Variants in TRPC4AP observed in about 807,000 individuals in gnomAD.
The protein encoded by TRPC4AP is transient receptor potential cation channel subfamily C member 4 associated protein, also known as short transient receptor potential channel 4-associated protein.
TRPC4AP carries 45 observed loss-of-function variants against 99.0 expected under a neutral mutation model. The ratio of observed to expected loss-of-function variants is 0.45; its 90% CI spans 0.36 to 0.58. The LOEUF (loss-of-function observed/expected upper bound fraction) is 0.58. Ranked by LOEUF, TRPC4AP falls within the 20% of genes least tolerant of loss-of-function variation. The probability of loss-of-function intolerance (pLI) is 0.00; values close to 1 mark genes in which losing one functional copy is unlikely to be tolerated. For missense variants in TRPC4AP, 879 were observed against 985.3 expected, an observed-to-expected ratio of 0.89 and a Z score of 1.44; for synonymous variants, 408 against 385.8, an observed-to-expected ratio of 1.06 and a Z score of -0.67.
rs748420522 is a variant in TRPC4AP, at chr20:35,003,658, C to T, written c.2050-42G>A. 3 of 1,581,140 alleles carry T rather than the reference C, an allele frequency of 1.9e-6. No homozygotes were observed. The African/African-American group carries it at 4.0e-5, about 21-fold the overall frequency. ...CCACAGGGTCAGGGGCTGGTGGGAG[C>T]CCCAGTGGCCCCTGGTGAACCTGGG... On this transcript the variant is annotated intron_variant, in intron 17 of 18. Transcript: ENST00000252015.
At chr20:35,084,634 GTATATGTATGTATGTTTATATGCATATA>G (rs2084770172) in intron 1 of TRPC4AP, among the ~76,000 whole-genome samples, 2 of 110,754 alleles carry the variant, frequency 1.8e-5, no homozygotes, top group African/African-American at 7.0e-5. Flanking sequence ...GCATATATGT[GTATATGTATGTATGTTTATATGCATATA>G]TGTGTATATG....
intron 9 of TRPC4AP, among the ~76,000 whole-genome samples, chr20:35,019,887 G>A (rs2082847099): frequency 6.6e-6 from 1 of 152,016 alleles, no homozygotes; most frequent in African/African-American, 2.4e-5. Flanking sequence ...CCAGGTGTAG[G>A]TAATCAATCC....
At chr20:35,004,077 A>G (rs2082459160) in intron 17 of TRPC4AP, among the ~76,000 whole-genome samples, 2 of 152,202 alleles carry the variant, frequency 1.3e-5, no homozygotes, top group Non-Finnish European at 2.9e-5. Flanking sequence ...AGAGGTGCTA[A>G]GATCACCCTC....
At position 35,069,286 on chromosome 20, in the gene TRPC4AP, A is replaced by T. The variant is rs1475370187; in HGVS notation, c.414+10T>A. The T allele has an allele frequency of 6.8e-7, 1 of 1,464,910 alleles. No homozygotes were observed. The highest frequency in any genetic ancestry group is 1.2e-5 in the South Asian group (1 of 85,736). 90.7% of individuals were successfully genotyped at this position (1,464,910 alleles called of 1,614,324 possible). On this transcript the variant is annotated intron_variant, in intron 3 of 18. Coordinates refer to ENST00000252015, the MANE Select transcript of TRPC4AP (RefSeq NM_015638.3). ...AGTAACAGCAGTAGTAATAATAAAT[A>T]GCTACTTACATCAACACCTCCAAAC...
intron 1 of TRPC4AP, among the ~76,000 whole-genome samples, chr20:35,082,966 C>T (rs1220298457): frequency 6.6e-6 from 1 of 152,080 alleles, no homozygotes; most frequent in Non-Finnish European, 1.5e-5. Flanking sequence ...CCTCTTAGAT[C>T]AGGAACATGC....
chr20:35,031,180 G>T (rs931877494), intron 8 of TRPC4AP, among the ~76,000 whole-genome samples: 1 of 151,712 alleles, frequency 6.6e-6, no homozygotes, highest in Admixed American at 6.6e-5. Flanking sequence ...AATATCCTTG[G>T]GCATGATGAG....
At chr20:35,035,647 A>G (rs751833416) in intron 7 of TRPC4AP, among the ~76,000 whole-genome samples, 14 of 152,340 alleles carry the variant, frequency 9.2e-5, no homozygotes, top group Non-Finnish European at 2.1e-4. Context: ...GAATATCTGT[A>G]TAAGGAGGTT....
intron 1 of TRPC4AP, among the ~76,000 whole-genome samples, chr20:35,084,542 A>G (rs969767693): frequency 6.8e-6 from 1 of 147,674 alleles, no homozygotes; most frequent in Non-Finnish European, 1.5e-5. Context: ...ATATATGTAT[A>G]TGTATATATG....
intron 10 of TRPC4AP, 32 bp downstream of exon 10, chr20:35,015,976 G>A (rs779897505): frequency 2.5e-6 from 4 of 1,613,594 alleles, no homozygotes; most frequent in Non-Finnish European, 3.4e-6. Context: ...AGCCAGTGAG[G>A]CCCCATCTGT....
rs1239393439 is a variant in TRPC4AP, at chr20:35,066,769, A to G, written c.414+2527T>C. On this transcript the variant is annotated intron_variant, in intron 3 of 18. Transcript: ENST00000252015. ...ACAATCTAAAAATTAAACATTTCTA[A>G]TTTTAAAATAACATCAAAATTTAAT... 2.0e-5 allele frequency among the ~76,000 whole-genome samples: 3 copies of G among 152,216 alleles called. No individual in the cohort carries two copies. The South Asian group carries it at 6.2e-4, about 31-fold the overall frequency.
At chr20:35,070,160 C>T (rs1039687310) in intron 2 of TRPC4AP, among the ~76,000 whole-genome samples, 1 of 152,180 alleles carries the variant, frequency 6.6e-6, no homozygotes, top group African/African-American at 2.4e-5. Context: ...CCCTACCCAA[C>T]AGCACATGAA....
At chr20:35,031,266 C>T (rs550204478) in intron 8 of TRPC4AP, among the ~76,000 whole-genome samples, 8 of 151,216 alleles carry the variant, frequency 5.3e-5, no homozygotes, top group Non-Finnish European at 1.2e-4. Context: ...GGCAGGGTCT[C>T]GCTCTGTCAC....
In TRPC4AP at chr20:35,049,814, C is replaced by T. The variant is rs878905601; in HGVS notation, c.657+52G>A. 8 of 1,554,924 alleles carry T rather than the reference C, an allele frequency of 5.1e-6. No individual in the cohort carries two copies. The South Asian group carries it at 8.5e-5, about 17-fold the overall frequency. On this transcript the variant is annotated intron_variant, in intron 6 of 18. Transcript: ENST00000252015. ...TGTATATTATTCAGTTTTGAGAATC[C>T]AATGGTCTGAGACACCCTTCCCCAT...
chr20:35,072,285 A>G (rs1363662906), intron 2 of TRPC4AP, among the ~76,000 whole-genome samples: 1 of 152,152 alleles, frequency 6.6e-6, no homozygotes, highest in East Asian at 1.9e-4. Flanking sequence ...CTTTAGTTTA[A>G]TTAGATCCCA....
chr20:35,048,716 G>C (rs2083619598), intron 6 of TRPC4AP, among the ~76,000 whole-genome samples: 1 of 152,216 alleles, frequency 6.6e-6, no homozygotes, highest in Non-Finnish European at 1.5e-5. Flanking sequence ...GAGGGAGTGA[G>C]AGGCAAGTGG....
intron 2 of TRPC4AP, among the ~76,000 whole-genome samples, chr20:35,074,719 C>T (rs780400709): frequency 3.3e-5 from 5 of 152,100 alleles, no homozygotes; most frequent in East Asian, 3.8e-4. Flanking sequence ...ATAAGTGCGA[C>T]GTGGCGCTGA....
rs1203979805 is a variant in TRPC4AP at position 35,006,444 on chromosome 20, G to T, written c.1818C>A (p.Thr606=). The part of the protein sequence containing the change: ...AFKRFNKYIN[T]DAKFQVFLKQ... Reference sequence around the variant, plus strand: ...CCTGGGTTAACTTTACCTTTGCATCGGTGTTGATATATTTATTGAATCTCT... The same window carrying T: ...CCTGGGTTAACTTTACCTTTGCATCTGTGTTGATATATTTATTGAATCTCT... The change falls in exon 15 of 19, where the codon ACC becomes ACA. Residue 606 remains threonine, a synonymous_variant. Coordinates refer to ENST00000252015, the MANE Select transcript of TRPC4AP (RefSeq NM_015638.3). 1 of 1,614,090 alleles carries T rather than the reference G, an allele frequency of 6.2e-7. No individual in the cohort carries two copies. Among genetic ancestry groups the T allele is most frequent in the East Asian group, 2.2e-5 (1 of 44,886 alleles).
At chr20:35,026,048 G>A (rs1305246192) in intron 8 of TRPC4AP, among the ~76,000 whole-genome samples, 1 of 152,140 alleles carries the variant, frequency 6.6e-6, no homozygotes, top group Non-Finnish European at 1.5e-5. Context: ...TTCCACCAAT[G>A]AATGGTCTTG....
chr20:35,019,227 A>C (rs2082828657), intron 9 of TRPC4AP, among the ~76,000 whole-genome samples: 1 of 152,204 alleles, frequency 6.6e-6, no homozygotes. Flanking sequence ...ACACAGCAGA[A>C]ACCCAGGAAA....
Sources: gnomAD v4.1 joint callset for allele counts (sites outside exome capture counted in the v4.1 genomes callset) on GRCh38, gnomAD v4.1.1 for gene constraint, MANE v1.5 for transcripts, NCBI Gene and HGNC (gene_info 2026-07-23, HGNC 2026-07-21) for gene names.